The following PCDHA8 variants were observed in gnomAD, a reference collection of about 807,000 sequenced individuals.
PCDHA8 encodes protocadherin alpha-8.
A neutral mutation model predicts 61.8 loss-of-function variants in PCDHA8; 53 were observed. The observed-to-expected ratio is 0.86, with a 90% CI of 0.69 to 1.08. PCDHA8 has a LOEUF of 1.08. Among genes scored for constraint, PCDHA8 ranks in the 50% least tolerant of loss-of-function variants. The probability of loss-of-function intolerance (pLI) is 0.00; values close to 1 mark genes in which losing one functional copy is unlikely to be tolerated. For missense variants in PCDHA8, 1,293 were observed against 1,245.0 expected (o/e 1.04, Z -0.58); for synonymous variants, 618 against 556.6 (o/e 1.11, Z -1.55).
Position 140,883,404 on chromosome 5 carries a change from C to G in PCDHA8, c.2394+39689C>G, listed in dbSNP as rs199942713. On this transcript the variant is annotated intron_variant, in intron 1 of 3. Transcript: ENST00000531613. ...CTAATCAGTGTGTCCGATCGTGACT[C>G]TGGCTCAAATGGACAGGTCACCTGC... 3 of 1,614,104 alleles carry G rather than the reference C, an allele frequency of 1.9e-6. No homozygotes were observed. The African/African-American group carries it at 4.0e-5, about 22-fold the overall frequency.
At chr5:140,941,204 T>TTTCC (rs1348435161) in intron 1 of PCDHA8, among the ~76,000 whole-genome samples, 2 of 88,662 alleles carry the variant, frequency 2.3e-5, no homozygotes, top group Non-Finnish European at 4.4e-5. Flanking sequence ...TCTTTCTTCC[T>TTTCC]TTCTTTCTTC....
At chr5:140,875,342 A>G in intron 1 of PCDHA8, 1 of 1,443,152 alleles carries the variant, frequency 6.9e-7, no homozygotes, top group South Asian at 1.5e-5. Flanking sequence ...GATCGACTCC[A>G]TAATGACTGT....
chr5:140,865,345 A>T (rs555567469), intron 1 of PCDHA8: 4 of 152,320 alleles, frequency 2.6e-5, no homozygotes, highest in African/African-American at 9.6e-5. Context: ...GAAATAGTAT[A>T]TTTACATATT....
intron 1 of PCDHA8, among the ~76,000 whole-genome samples, chr5:140,971,680 A>C (rs185214999): frequency 1.1e-4 from 17 of 152,268 alleles, no homozygotes; most frequent in African/African-American, 4.1e-4. Context: ...AGAGTAAGGG[A>C]ATTTGTACTC....
intron 1 of PCDHA8, chr5:140,929,850 G>T: frequency 6.5e-6 from 1 of 154,348 alleles, no homozygotes. Flanking sequence ...GAGGAGGAAG[G>T]AGTCAGAGAA....
chr5:140,858,072 C>T, intron 1 of PCDHA8: 1 of 1,597,752 alleles, frequency 6.3e-7, no homozygotes, highest in Non-Finnish European at 8.6e-7. Context: ...AGCCAGGCAC[C>T]CAAGGCCTCG....
At chr5:140,966,246 G>A (rs184430396) in intron 1 of PCDHA8, 1 of 319,412 alleles carries the variant, frequency 3.1e-6, no homozygotes, top group East Asian at 5.0e-5. Flanking sequence ...TTAAGCAGGG[G>A]AGAGACGGTG....
intron 1 of PCDHA8, among the ~76,000 whole-genome samples, chr5:140,953,290 A>G (rs1554220852): frequency 1.3e-5 from 2 of 152,124 alleles, no homozygotes; most frequent in Admixed American, 6.6e-5. Context: ...TATGTGATTC[A>G]GGGACGGCAG....
chr5:141,007,472 G>A (rs2098331789), intron 3 of PCDHA8, among the ~76,000 whole-genome samples: 1 of 151,844 alleles, frequency 6.6e-6, no homozygotes, highest in Non-Finnish European at 1.5e-5. Context: ...GGAGGCTGAG[G>A]CACGAGAATT....
intron 1 of PCDHA8, chr5:140,857,181 C>G (rs2044400350): frequency 6.3e-7 from 1 of 1,598,486 alleles, no homozygotes; most frequent in East Asian, 2.2e-5. Flanking sequence ...GACCATGATT[C>G]AGGAGCCAAC....
chr5:140,927,740 G>A (rs782665573), intron 1 of PCDHA8: 5 of 1,614,206 alleles, frequency 3.1e-6, no homozygotes, highest in Middle Eastern at 1.6e-4. Context: ...CTGCGACACC[G>A]CTTTCACGTG....
chr5:140,896,485 C>G (rs1259028670), intron 1 of PCDHA8, among the ~76,000 whole-genome samples: 1 of 152,032 alleles, frequency 6.6e-6, no homozygotes, highest in Non-Finnish European at 1.5e-5. Context: ...GCCTCAGCCT[C>G]CTGAGTAGCT....
chr5:140,905,163 G>A (rs782288723), intron 1 of PCDHA8, among the ~76,000 whole-genome samples: 30 of 152,274 alleles, frequency 2.0e-4, no homozygotes, highest in African/African-American at 7.0e-4. Flanking sequence ...AATTTTCATG[G>A]TTTCAGGTTT....
chr5:141,003,057 TCCA>T (rs2098109750), intron 3 of PCDHA8, among the ~76,000 whole-genome samples: 1 of 152,194 alleles, frequency 6.6e-6, no homozygotes, highest in African/African-American at 2.4e-5. Context: ...ACAGAACAGT[TCCA>T]AATGCAGATG....
chr5:140,871,211 T>A (rs781784103), intron 1 of PCDHA8: 1 of 1,613,724 alleles, frequency 6.2e-7, no homozygotes, highest in Non-Finnish European at 8.5e-7. Flanking sequence ...ATCATCGCCA[T>A]CTGCGTGGTG....
chr5:140,842,748 C>A lies in PCDHA8; in HGVS notation c.1427C>A (p.Thr476Lys). Reference sequence around the variant, plus strand: ...AACCCGCCGGGCTGCCACATCTTCACGGTGTCTGCGCGAGACGCGGACGCG... The same window carrying A: ...AACCCGCCGGGCTGCCACATCTTCAAGGTGTCTGCGCGAGACGCGGACGCG... ...ENNPPGCHIF[T>K]VSARDADAQE... The change falls in exon 1 of 4, where the codon ACG (threonine) becomes AAG (lysine). Residue 476 changes from threonine to lysine, a missense_variant. By Grantham distance (78) the Thr-to-Lys change is moderately conservative. Coordinates refer to ENST00000531613, the MANE Select transcript of PCDHA8 (RefSeq NM_018911.3). 6.3e-7 allele frequency: 1 copy of A among 1,595,020 alleles called. No individual in the cohort carries two copies. Among genetic ancestry groups the A allele is most frequent in the Non-Finnish European group, 8.6e-7 (1 of 1,165,456 alleles).
chr5:140,900,370 T>G (rs983806569), intron 1 of PCDHA8, among the ~76,000 whole-genome samples: 18 of 152,236 alleles, frequency 1.2e-4, no homozygotes, highest in African/African-American at 4.1e-4. Context: ...CTCTGCCTCC[T>G]GGGTTCAAGC....
chr5:140,932,975 A>G (rs2088770619), intron 1 of PCDHA8, among the ~76,000 whole-genome samples: 1 of 152,012 alleles, frequency 6.6e-6, no homozygotes, highest in African/African-American at 2.4e-5. Flanking sequence ...GGTTTTTACA[A>G]TGCTCAAATG....
In PCDHA8 at chr5:140,843,235, C is replaced by G. The variant is rs2150355590; in HGVS notation, c.1914C>G (p.Asp638Glu). Residue 638 changes from aspartate (D) to glutamate (E), a missense_variant, in exon 1 of 4, where the codon GAC becomes GAG. By Grantham distance (45) the Asp-to-Glu change is conservative. Coordinates refer to ENST00000531613, the MANE Select transcript of PCDHA8 (RefSeq NM_018911.3). Reference protein sequence around the residue: ...TGEISTTRVLDEADSPRHRLL... With the variant: ...TGEISTTRVLEEADSPRHRLL... ...AGATCAGCACCACTCGTGTCCTGGACGAAGCGGACTCTCCGCGCCACCGTC... is the reference window on the plus strand; with the variant it reads ...AGATCAGCACCACTCGTGTCCTGGAGGAAGCGGACTCTCCGCGCCACCGTC... 1.0e-5 allele frequency: 16 copies of G among 1,595,840 alleles called. 2 individuals are homozygous for G. The African/African-American group carries it at 1.2e-4, about 12-fold the overall frequency.
Sources: gnomAD v4.1 joint callset for allele counts (sites outside exome capture counted in the v4.1 genomes callset) on GRCh38, gnomAD v4.1.1 for gene constraint, MANE v1.5 for transcripts, NCBI Gene and HGNC (gene_info 2026-07-23, HGNC 2026-07-21) for gene names.